The following PYGL variants were observed in gnomAD, a reference collection of about 807,000 sequenced individuals.
PYGL encodes glycogen phosphorylase, liver form.
PYGL carries 90 observed loss-of-function variants against 100.1 expected under a neutral mutation model. The ratio of observed to expected loss-of-function variants is 0.90; its 90% CI spans 0.76 to 1.07. The LOEUF (loss-of-function observed/expected upper bound fraction) is 1.07. Among genes scored for constraint, PYGL ranks in the 50% least tolerant of loss-of-function variants. The probability of loss-of-function intolerance (pLI) is 0.00; values close to 1 mark genes in which losing one functional copy is unlikely to be tolerated. For synonymous variants in PYGL, 373 were observed against 393.0 expected (o/e 0.95, Z 0.60); for missense variants, 1,016 against 1,057.6 (o/e 0.96, Z 0.55).
chr14:50,917,227 T>A, intron 7 of PYGL, 122 bp from the exon 8 acceptor site: 1 of 1,102,694 alleles, frequency 9.1e-7, no homozygotes, highest in Non-Finnish European at 1.4e-6. Context: ...TGAGGGGTGG[T>A]GGTTTGAATG....
At chr14:50,912,930 G>A in intron 13 of PYGL, 99 bp downstream of exon 13, 24 of 1,126,860 alleles carry the variant, frequency 2.1e-5, no homozygotes, top group Non-Finnish European at 3.1e-5. Flanking sequence ...CTCCAGCCTG[G>A]GCAACAGAGC....
chr14:50,915,635 C>A, intron 10 of PYGL, 136 bp from the exon 11 acceptor site: 1 of 1,401,932 alleles, frequency 7.1e-7, no homozygotes, highest in South Asian at 1.2e-5. Flanking sequence ...GTTGAGTTAG[C>A]TCTATGGAGG....
chr14:50,944,374 C>G lies in PYGL; in HGVS notation c.30G>C (p.Lys10Asn). Residue 10 changes from lysine to asparagine, a missense_variant, in exon 1 of 20, where the codon AAG becomes AAC. By Grantham distance (94) the Lys-to-Asn change is moderately conservative. Transcript: ENST00000216392. The part of the protein sequence containing the change: MAKPLTDQE[K>N]RRQISIRGIV... ...TGCCGCGGATGCTGATCTGCCGCCG[C>G]TTCTCCTGGTCCGTCAGGGGCTTCG... is the stretch of plus-strand genomic sequence containing the variant. 1 of 1,613,378 alleles carries G rather than the reference C, an allele frequency of 6.2e-7. No individual in the cohort carries two copies. The highest frequency in any genetic ancestry group is 8.5e-7 in the Non-Finnish European group (1 of 1,179,772).
In PYGL at chr14:50,944,366, T is replaced by C. The variant is rs113993972; in HGVS notation, c.38A>G (p.Gln13Arg). 2 of 1,613,422 alleles carry C rather than the reference T, an allele frequency of 1.2e-6. No homozygotes were observed. The highest frequency in any genetic ancestry group is 1.7e-6 in the Non-Finnish European group (2 of 1,179,778). Reference protein sequence around the residue: ...KPLTDQEKRRQISIRGIVGVE... With the variant: ...KPLTDQEKRRRISIRGIVGVE... ...GCCCACGATGCCGCGGATGCTGATC[T>C]GCCGCCGCTTCTCCTGGTCCGTCAG... Residue 13 changes from glutamine (Q) to arginine (R), a missense_variant, in exon 1 of 20, where the codon CAG becomes CGG. Physicochemically the swap from Gln to Arg is conservative, Grantham distance 43. Transcript: ENST00000216392.
chr14:50,916,820 AT>A (rs2050455982), intron 8 of PYGL, 86 bp from the exon 9 acceptor site: 2 of 1,542,718 alleles, frequency 1.3e-6, no homozygotes, highest in Non-Finnish European at 1.8e-6. Flanking sequence ...GAAAGCACTG[AT>A]ATGCCCACCT....
chr14:50,908,139 G>GTTTTT, intron 19 of PYGL, 132 bp downstream of exon 19: 1 of 503,546 alleles, frequency 2.0e-6, no homozygotes, highest in Non-Finnish European at 3.3e-6. Flanking sequence ...TGTTTTTGTT[G>GTTTTT]TTTTTTTTTT....
At chr14:50,937,102 C>A (rs1373237884) in intron 2 of PYGL, among the ~76,000 whole-genome samples, 2 of 152,198 alleles carry the variant, frequency 1.3e-5, no homozygotes, top group Non-Finnish European at 1.5e-5. Flanking sequence ...TGTGTCTTTG[C>A]AAATACACAT....
At chr14:50,909,848 AG>A (rs747876301) in intron 17 of PYGL, 46 bp downstream of exon 17, 5 of 1,601,192 alleles carry the variant, frequency 3.1e-6, no homozygotes, top group Middle Eastern at 1.7e-4. Flanking sequence ...CATACCTTCT[AG>A]GGGGGAGGGG....
intron 2 of PYGL, among the ~76,000 whole-genome samples, chr14:50,936,190 C>A (rs1257409723): frequency 6.6e-6 from 1 of 152,216 alleles, no homozygotes; most frequent in East Asian, 1.9e-4. Flanking sequence ...TGTGAAACAA[C>A]TGGGTTCTTA....
At chr14:50,920,914 T>A in intron 6 of PYGL, 42 bp downstream of exon 6, 3 of 1,546,462 alleles carry the variant, frequency 1.9e-6, no homozygotes, top group Non-Finnish European at 2.7e-6. Flanking sequence ...TCAAAAAGAT[T>A]AAGCACACGC....
intron 3 of PYGL, 51 bp downstream of exon 3, chr14:50,935,056 G>C: frequency 6.6e-7 from 1 of 1,507,328 alleles, no homozygotes; most frequent in Non-Finnish European, 9.2e-7. Flanking sequence ...CATGGCATCT[G>C]AGATGTCTTC....
intron 4 of PYGL, among the ~76,000 whole-genome samples, chr14:50,929,198 C>T (rs576941644): frequency 2.0e-5 from 3 of 152,140 alleles, no homozygotes; most frequent in South Asian, 2.1e-4. Context: ...TACATGCACG[C>T]GCCACTATCT....
At chr14:50,910,965 A>G (rs988574314) in intron 16 of PYGL, among the ~76,000 whole-genome samples, 1 of 152,230 alleles carries the variant, frequency 6.6e-6, no homozygotes, top group Non-Finnish European at 1.5e-5. Flanking sequence ...GATTAGATGT[A>G]TCTTCTTTTG....
At position 50,911,735 on chromosome 14, in the gene PYGL, T is replaced by C. The variant is rs370033969; in HGVS notation, c.1964A>G (p.Glu655Gly). Residue 655 changes from glutamate (E) to glycine (G), a missense_variant, in exon 16 of 20, where the codon GAA becomes GGA. Transcript: ENST00000216392. ...FLENYRVSLAEKVIPATDLSE... is the reference protein window; with the variant it reads ...FLENYRVSLAGKVIPATDLSE... ...TTTTGCAATGAGGGTAGTACCTTTT[T>C]CAGCAAGAGATACTCTGTAGTTCTC... 6.8e-6 allele frequency: 11 copies of C among 1,614,096 alleles called. No individual in the cohort carries two copies. In the African/African-American group the frequency reaches 1.3e-4, roughly 20 times the overall value.
chr14:50,905,577 T>C, intron 19 of PYGL, 21 bp from the exon 20 acceptor site: 1 of 1,613,164 alleles, frequency 6.2e-7, no homozygotes. Context: ...CATATGCATA[T>C]ACAGCCCAGA....
chr14:50,916,878 A>C (rs2050456886), intron 8 of PYGL, 84 bp downstream of exon 8: 1 of 1,568,260 alleles, frequency 6.4e-7, no homozygotes, highest in Non-Finnish European at 8.8e-7. Flanking sequence ...CGTTGTTAGC[A>C]CTGAGAGAGA....
At chr14:50,927,371 C>G (rs1390976429) in intron 4 of PYGL, among the ~76,000 whole-genome samples, 1 of 152,086 alleles carries the variant, frequency 6.6e-6, no homozygotes, top group South Asian at 2.1e-4. Flanking sequence ...ATTACAGGTG[C>G]CCGCCACCAC....
At chr14:50,914,520 T>TAATAAA (rs1566502569) in intron 12 of PYGL, among the ~76,000 whole-genome samples, 181 bp downstream of exon 12, 1 of 150,512 alleles carries the variant, frequency 6.6e-6, no homozygotes, top group East Asian at 1.9e-4. Context: ...ATAATAATAA[T>TAATAAA]AAATAATTTC....
chr14:50,923,703 A>AAAAAAAAAAAC (rs2050521623), intron 5 of PYGL: 1 of 294,332 alleles, frequency 3.4e-6, no homozygotes, highest in African/African-American at 2.2e-5. Context: ...AAAAAAAAAA[A>AAAAAAAAAAAC]AAAAAAGAAC....
Sources: allele counts gnomAD v4.1 joint callset (sites outside exome capture counted in the v4.1 genomes callset), GRCh38; gene constraint gnomAD v4.1.1; transcripts MANE v1.5; gene names NCBI Gene and HGNC (gene_info 2026-07-23, HGNC 2026-07-21).